ERC2: variants seen among roughly 807,000 people sequenced by gnomAD.
ERC2 encodes the protein ERC protein 2.
A neutral mutation model predicts 114.8 loss-of-function variants in ERC2; 42 were observed. That is an observed-to-expected ratio of 0.37 (90% CI 0.29 to 0.47). The LOEUF is 0.47. ERC2 is among the 20% of genes least tolerant of loss of function. ERC2 has a pLI of 0.99. For missense variants in ERC2, 939 were observed against 1,150.7 expected (o/e 0.82, Z 2.66); for synonymous variants, 454 against 425.5 (o/e 1.07, Z -0.82).
intron 7 of ERC2, among the ~76,000 whole-genome samples, chr3:56,076,772 C>A (rs558997007): frequency 3.7e-4 from 56 of 152,126 alleles, no homozygotes; most frequent in Non-Finnish European, 5.9e-4. Flanking sequence ...TCACTTCCTT[C>A]TTCAAGTGAT....
chr3:55,799,423 C>CAT (rs1171224151), intron 14 of ERC2, among the ~76,000 whole-genome samples: 50 of 110,518 alleles, frequency 4.5e-4, no homozygotes, highest in East Asian at 1.6e-3. Context: ...TATATATATG[C>CAT]ATATATATAT....
intron 17 of ERC2, among the ~76,000 whole-genome samples, chr3:55,624,222 A>G (rs2059424398): frequency 6.6e-6 from 1 of 152,220 alleles, no homozygotes; most frequent in Admixed American, 6.5e-5. Flanking sequence ...AATGAACACT[A>G]TTTTTAGAAG....
chr3:55,970,836 G>A (rs1483522487), intron 12 of ERC2, among the ~76,000 whole-genome samples: 1 of 152,138 alleles, frequency 6.6e-6, no homozygotes, highest in Non-Finnish European at 1.5e-5. Flanking sequence ...TCCACTTGCA[G>A]ATATACAGCC....
chr3:55,958,945 C>T (rs1174574949), intron 12 of ERC2, among the ~76,000 whole-genome samples: 1 of 152,150 alleles, frequency 6.6e-6, no homozygotes, highest in African/African-American at 2.4e-5. Context: ...GCTGTGCCAA[C>T]TCAGTAAGGG....
intron 16 of ERC2, among the ~76,000 whole-genome samples, chr3:55,685,420 C>G (rs1309405333): frequency 6.6e-6 from 1 of 152,188 alleles, no homozygotes; most frequent in Non-Finnish European, 1.5e-5. Context: ...ATTAAACAGT[C>G]TAATAATTGC....
intron 17 of ERC2, among the ~76,000 whole-genome samples, chr3:55,639,030 G>C (rs997518348): frequency 1.3e-5 from 2 of 152,190 alleles, no homozygotes; most frequent in African/African-American, 4.8e-5. Context: ...ACACCCTATA[G>C]AAATGGCTTC....
chr3:55,916,561 A>G (rs1481496688), intron 13 of ERC2, among the ~76,000 whole-genome samples: 3 of 152,122 alleles, frequency 2.0e-5, no homozygotes, highest in Non-Finnish European at 2.9e-5. Context: ...CCACTCATCC[A>G]TGCCTACTGG....
At chr3:55,932,676 C>T (rs1457687426) in intron 13 of ERC2, among the ~76,000 whole-genome samples, 1 of 152,160 alleles carries the variant, frequency 6.6e-6, no homozygotes, top group Non-Finnish European at 1.5e-5. Flanking sequence ...ATTCACCACT[C>T]ATAAAAGCAA....
chr3:55,737,862 T>G (rs1171077698), intron 14 of ERC2, among the ~76,000 whole-genome samples: 1 of 152,138 alleles, frequency 6.6e-6, no homozygotes. Flanking sequence ...TCTTTTTGGA[T>G]CAAAGGGAAG....
intron 6 of ERC2, among the ~76,000 whole-genome samples, chr3:56,111,287 TTCTCTCTCCCTCTTTC>T (rs896599029): frequency 1.1e-4 from 16 of 149,144 alleles, no homozygotes; most frequent in Admixed American, 3.3e-4. Flanking sequence ...CGCTCCCTCT[TTCTCTCTCCCTCTTTC>T]TCTCTCTCCC....
chr3:56,252,870 T>C (rs919305390), intron 3 of ERC2, among the ~76,000 whole-genome samples: 1 of 151,728 alleles, frequency 6.6e-6, no homozygotes, highest in African/African-American at 2.4e-5. Flanking sequence ...TATTACAAAC[T>C]ATCCTGAAAA....
chr3:56,239,405 CT>C (rs1386214751), intron 3 of ERC2, among the ~76,000 whole-genome samples: 1 of 152,156 alleles, frequency 6.6e-6, no homozygotes. Flanking sequence ...ACTCTGGAGG[CT>C]AAGGCAGGAG....
In ERC2 at chr3:55,989,026, C is replaced by T. The variant is rs889076141; in HGVS notation, c.2255+3031G>A. Among the ~76,000 whole-genome samples the T allele has an allele frequency of 2.6e-5, 4 of 152,318 alleles. 1 individual carries two copies. The highest frequency in any genetic ancestry group is 1.9e-4 in the East Asian group (1 of 5,172). On this transcript the variant is annotated intron_variant, in intron 11 of 17. Coordinates refer to ENST00000288221, the MANE Select transcript of ERC2 (RefSeq NM_015576.3). ...AACTTCCCCTCTGAATCTCCACCCC[C>T]ACCTCCTTAGGGGCCTGGGCTGGGG...
At chr3:55,694,376 C>T (rs1389205492) in intron 16 of ERC2, among the ~76,000 whole-genome samples, 1 of 152,182 alleles carries the variant, frequency 6.6e-6, no homozygotes, top group Non-Finnish European at 1.5e-5. Context: ...AAGGGCCAGA[C>T]ATGTGTGAAC....
chr3:55,869,173 T>A (rs1006568971), intron 14 of ERC2, among the ~76,000 whole-genome samples: 1 of 152,150 alleles, frequency 6.6e-6, no homozygotes, highest in Admixed American at 6.5e-5. Flanking sequence ...ATAAATGACT[T>A]GGGTTAGTAG....
chr3:56,109,935 A>T (rs532613759), intron 6 of ERC2, among the ~76,000 whole-genome samples: 1 of 152,222 alleles, frequency 6.6e-6, no homozygotes, highest in Non-Finnish European at 1.5e-5. Context: ...CAAAAACCTC[A>T]TGACAACTCA....
chr3:55,938,171 A>AT, intron 13 of ERC2, among the ~76,000 whole-genome samples: 1 of 150,252 alleles, frequency 6.7e-6, no homozygotes, highest in East Asian at 2.0e-4. Context: ...GTTCTTTCAG[A>AT]GCCCAACATG....
In ERC2 at chr3:55,729,837, C is replaced by CAAAAAAAAAAAAAAAAAA. The variant is rs71096498; in HGVS notation, c.2712+4916_2712+4933dup. On this transcript the variant is annotated intron_variant, in intron 15 of 17. Coordinates refer to ENST00000288221, the MANE Select transcript of ERC2 (RefSeq NM_015576.3). ...AGGGTAATGCAGTGAGACTCTATCG[C>CAAAAAAAAAAAAAAAAAA]AAAAAAAAAAAAAAAAAAAAAAAAA... 1.9e-3 allele frequency among the ~76,000 whole-genome samples: 120 copies of CAAAAAAAAAAAAAAAAAA among 61,636 alleles called. 31 individuals carry two copies. Among genetic ancestry groups the CAAAAAAAAAAAAAAAAAA allele is most frequent in the African/African-American group, 5.5e-3 (64 of 11,690 alleles). The allele number at this position is 61,636 out of a possible 152,430, so 40.4% of individuals were successfully genotyped here.
At chr3:55,741,731 A>G (rs923629567) in intron 14 of ERC2, among the ~76,000 whole-genome samples, 1 of 152,198 alleles carries the variant, frequency 6.6e-6, no homozygotes, top group Non-Finnish European at 1.5e-5. Context: ...TCTATGCCCC[A>G]AAATGTAGCT....
Sources: allele counts gnomAD v4.1 joint callset (sites outside exome capture counted in the v4.1 genomes callset), GRCh38; gene constraint gnomAD v4.1.1; transcripts MANE v1.5; gene names NCBI Gene and HGNC (gene_info 2026-07-23, HGNC 2026-07-21).